The following ARID1B variants were observed in gnomAD, a reference collection of about 807,000 sequenced individuals.
ARID1B encodes AT-rich interactive domain-containing protein 1B.
Under a neutral mutation model 212.3 loss-of-function variants are expected in ARID1B, and 30 were observed. The ratio of observed to expected loss-of-function variants is 0.14; its 90% confidence interval spans 0.11 to 0.19. The LOEUF (loss-of-function observed/expected upper bound fraction) is 0.19, where lower values mean the gene tolerates loss of function less well. Ranked by LOEUF, ARID1B falls within the 10% of genes least tolerant of loss-of-function variation. The pLI is 1.00. For missense variants in ARID1B, 2,891 were observed against 3,204.0 expected, an observed-to-expected ratio of 0.90 and a Z score of 2.36; for synonymous variants, 1,402 against 1,301.7, an observed-to-expected ratio of 1.08 and a Z score of -1.66.
At chr6:156,912,356 C>T (rs1789965712) in intron 3 of ARID1B, among the ~76,000 whole-genome samples, 1 of 151,470 alleles carries the variant, frequency 6.6e-6, no homozygotes, top group African/African-American at 2.4e-5. Context: ...TACTCGCCCT[C>T]ACGCTCCTGC....
rs754114025 is a variant in ARID1B, at chr6:156,778,198, CCCA to C, written c.534_536del (p.His179del). On this transcript the variant is annotated inframe_deletion, in exon 1 of 20. Transcript: ENST00000636930. The stretch of plus-strand genomic sequence containing the variant: ...CAGCAGCACCACCACCACCACCATG[CCCA>C]CCACCACCACCACCATGCCCACCAC... 2.6e-4 allele frequency: 392 copies of C among 1,532,194 alleles called. No individual in the cohort carries two copies. The African/African-American group carries it at 2.8e-3, about 11-fold the overall frequency. The allele number at this position is 1,532,194 out of a possible 1,614,324, so 94.9% of individuals were successfully genotyped here. A position where few individuals can be genotyped will look rare whatever the true frequency, so the allele number is the denominator to read the frequency against.
At chr6:157,021,355 GACC>G (rs966470656) in intron 4 of ARID1B, among the ~76,000 whole-genome samples, 2 of 152,230 alleles carry the variant, frequency 1.3e-5, no homozygotes, top group African/African-American at 4.8e-5. Context: ...CCGGGAGTGG[GACC>G]ACCAGGCAGC....
chr6:157,039,657 C>CTTT (rs1473482381), intron 4 of ARID1B, among the ~76,000 whole-genome samples: 5 of 83,178 alleles, frequency 6.0e-5, no homozygotes, highest in African/African-American at 2.5e-4. Flanking sequence ...TTCCTTCCTT[C>CTTT]CTTCCTTCCT....
At chr6:156,806,759 C>T (rs892281409) in intron 1 of ARID1B, among the ~76,000 whole-genome samples, 3 of 152,144 alleles carry the variant, frequency 2.0e-5, no homozygotes, top group African/African-American at 7.2e-5. Context: ...ACGTTTGGAT[C>T]AGGGGGTCAG....
intron 1 of ARID1B, among the ~76,000 whole-genome samples, chr6:156,801,793 A>T (rs565046045): frequency 4.6e-5 from 7 of 152,110 alleles, no homozygotes; most frequent in African/African-American, 1.7e-4. Context: ...AAGTTTAGTT[A>T]GTGTTTTTTT....
At chr6:157,042,341 T>A (rs1386299908) in intron 4 of ARID1B, among the ~76,000 whole-genome samples, 5 of 152,182 alleles carry the variant, frequency 3.3e-5, no homozygotes, top group Non-Finnish European at 2.9e-5. Flanking sequence ...GGGACAGAAA[T>A]ATGTATTACC....
chr6:156,867,282 C>T (rs752268805), intron 2 of ARID1B, among the ~76,000 whole-genome samples: 3 of 152,120 alleles, frequency 2.0e-5, no homozygotes, highest in Non-Finnish European at 4.4e-5. Flanking sequence ...TAGGTACTGG[C>T]GGCAGTCCTG....
chr6:157,004,890 C>CTTTTT (rs1779118895), intron 4 of ARID1B, among the ~76,000 whole-genome samples: 1 of 35,686 alleles, frequency 2.8e-5, no homozygotes, highest in African/African-American at 6.5e-5. Flanking sequence ...TTTTCTTCTT[C>CTTTTT]TTTTTTCTTT....
intron 4 of ARID1B, among the ~76,000 whole-genome samples, chr6:156,973,892 G>A (rs1225436166): frequency 6.6e-6 from 1 of 152,148 alleles, no homozygotes; most frequent in Non-Finnish European, 1.5e-5. Context: ...TGATTGTTCA[G>A]GTTAGATTTT....
chr6:157,030,101 T>C (rs1321429788), intron 4 of ARID1B, among the ~76,000 whole-genome samples: 1 of 152,232 alleles, frequency 6.6e-6, no homozygotes, highest in African/African-American at 2.4e-5. Flanking sequence ...TGGGCTGGGC[T>C]CAGCTGGGTG....
Position 156,947,348 on chromosome 6 carries a change from T to C in ARID1B, c.2247+11772T>C, listed in dbSNP as rs1793226314. 2.6e-5 allele frequency among the ~76,000 whole-genome samples: 4 copies of C among 152,384 alleles called. No individual in the cohort carries two copies. In the South Asian group the frequency reaches 8.3e-4, roughly 32 times the overall value. ...ATATTTCTTAGTTTAATTTGTCTCA[T>C]TATTAATTCCTCCTTCTCTGAAACT... On this transcript the variant is annotated intron_variant, in intron 4 of 19. Transcript: ENST00000636930.
chr6:157,115,818 A>T (rs923593674), intron 6 of ARID1B, among the ~76,000 whole-genome samples: 1 of 152,208 alleles, frequency 6.6e-6, no homozygotes, highest in African/African-American at 2.4e-5. Context: ...AAAAACAGTA[A>T]AAACCTCAGT....
chr6:157,091,274 A>C (rs557472776), intron 5 of ARID1B, among the ~76,000 whole-genome samples: 34 of 152,284 alleles, frequency 2.2e-4, no homozygotes, highest in African/African-American at 7.5e-4. Flanking sequence ...AAAAAGCATG[A>C]GTTCTAGAAA....
chr6:156,964,888 A>G (rs1045269847), intron 4 of ARID1B, among the ~76,000 whole-genome samples: 2 of 152,218 alleles, frequency 1.3e-5, no homozygotes. Context: ...TCCAAGTATC[A>G]ATGTAGATGA....
intron 2 of ARID1B, among the ~76,000 whole-genome samples, chr6:156,896,663 G>A (rs1232555407): frequency 2.0e-5 from 3 of 150,018 alleles, no homozygotes; most frequent in Admixed American, 6.6e-5. Flanking sequence ...GGTGGATCAC[G>A]AGGTCAAGAG....
chr6:157,126,531 G>A (rs188653144), intron 6 of ARID1B, among the ~76,000 whole-genome samples: 44 of 152,268 alleles, frequency 2.9e-4, no homozygotes, highest in African/African-American at 1.0e-3. Context: ...TTCGGTGACT[G>A]TATGAGCATA....
chr6:156,880,112 C>T lies in ARID1B; in HGVS notation c.1987-21264C>T, dbSNP rs571289867. On this transcript the variant is annotated intron_variant, in intron 2 of 19. Transcript: ENST00000636930. ...GTGGCAAGAGACTGCAGGCCAATGT[C>T]AATGAAAAGCCTGGGAGGAAAAAGA... Among the ~76,000 whole-genome samples the T allele has an allele frequency of 5.9e-5, 9 of 152,128 alleles. No homozygotes were observed. In the South Asian group the frequency reaches 1.5e-3, roughly 25 times the overall value.
At chr6:157,011,286 G>T (rs1476419245) in intron 4 of ARID1B, among the ~76,000 whole-genome samples, 2 of 152,184 alleles carry the variant, frequency 1.3e-5, no homozygotes, top group Non-Finnish European at 2.9e-5. Context: ...TGAGGATTTT[G>T]TAGTTCCTTC....
intron 6 of ARID1B, among the ~76,000 whole-genome samples, chr6:157,117,213 T>G (rs998475748): frequency 2.6e-5 from 4 of 152,204 alleles, no homozygotes; most frequent in Admixed American, 2.6e-4. Flanking sequence ...GAATCAAAAT[T>G]TCTATACTTC....
Sources: allele counts gnomAD v4.1 joint callset (sites outside exome capture counted in the v4.1 genomes callset), GRCh38; gene constraint gnomAD v4.1.1; transcripts MANE v1.5; gene names NCBI Gene and HGNC (gene_info 2026-07-23, HGNC 2026-07-21).